Variants in SCAMP1 observed in about 807,000 individuals in gnomAD.
The protein encoded by SCAMP1 is secretory carrier membrane protein 1, also known as secretory carrier-associated membrane protein 1.
In SCAMP1, 15 loss-of-function variants were observed where a neutral mutation model predicts 41.8. The ratio of observed to expected loss-of-function variants is 0.36; its 90% CI spans 0.24 to 0.55. The LOEUF (loss-of-function observed/expected upper bound fraction) is 0.55, where lower values mean the gene tolerates loss of function less well. Ranked by LOEUF, SCAMP1 falls within the 20% of genes least tolerant of loss-of-function variation. The pLI is 0.86. For synonymous variants in SCAMP1, 135 were observed against 136.8 expected (o/e 0.99, Z 0.09); for missense variants, 341 against 412.6 (o/e 0.83, Z 1.50).
chr5:78,369,295 C>T (rs1319219745), intron 1 of SCAMP1, among the ~76,000 whole-genome samples: 4 of 152,104 alleles, frequency 2.6e-5, no homozygotes, highest in Admixed American at 6.5e-5. Flanking sequence ...TTAGTAGAGA[C>T]GGGGTTTCAC....
intron 6 of SCAMP1, among the ~76,000 whole-genome samples, chr5:78,438,367 C>G (rs1752819697): frequency 6.6e-6 from 1 of 152,164 alleles, no homozygotes; most frequent in South Asian, 2.1e-4. Flanking sequence ...ATAAATTTCC[C>G]TCTACACACT....
intron 6 of SCAMP1, among the ~76,000 whole-genome samples, chr5:78,438,437 G>GA (rs1351636570): frequency 6.6e-6 from 1 of 152,192 alleles, no homozygotes; most frequent in East Asian, 1.9e-4. Flanking sequence ...TGGTTTCAAA[G>GA]AACATTTTTA....
intron 2 of SCAMP1, among the ~76,000 whole-genome samples, chr5:78,393,473 G>A (rs1751569488): frequency 6.6e-6 from 1 of 152,152 alleles, no homozygotes; most frequent in Admixed American, 6.5e-5. Context: ...TGCTTGGCCT[G>A]CATAATTTTA....
chr5:78,385,389 A>G (rs756608761), intron 1 of SCAMP1, among the ~76,000 whole-genome samples: 5 of 151,954 alleles, frequency 3.3e-5, no homozygotes, highest in Non-Finnish European at 1.5e-5. Flanking sequence ...TTCTCATTTC[A>G]AAGAACCAGC....
At position 78,418,897 on chromosome 5, in the gene SCAMP1, T is replaced by C; in HGVS notation, c.466T>C (p.Trp156Arg). 1.9e-6 allele frequency: 3 copies of C among 1,565,580 alleles called. No individual in the cohort carries two copies. The highest frequency in any genetic ancestry group is 2.6e-6 in the Non-Finnish European group (3 of 1,157,720). The change falls in exon 5 of 9, where the codon TGG becomes CGG. Residue 156 changes from tryptophan (W) to arginine (R), a missense_variant. Transcript: ENST00000621999. ...GACAGTAAAGCTTATGTACTACTTG[T>C]GGATGTGTGAGTATACAACAATTTA... Reference protein sequence around the residue: ...QKTVKLMYYLWMFHAVTLFLN... With the variant: ...QKTVKLMYYLRMFHAVTLFLN...
chr5:78,439,721 GT>G (rs1752868387), intron 6 of SCAMP1, among the ~76,000 whole-genome samples: 1 of 152,080 alleles, frequency 6.6e-6, no homozygotes. Context: ...GGTAGTATCT[GT>G]GTGGCGTTCT....
intron 8 of SCAMP1, among the ~76,000 whole-genome samples, chr5:78,469,925 A>G (rs1753841655): frequency 4.9e-5 from 1 of 20,386 alleles, no homozygotes; most frequent in African/African-American, 2.1e-4. Context: ...AAAAAAAAAA[A>G]AAAAAAACAA....
At chr5:78,370,886 G>T (rs1233029336) in intron 1 of SCAMP1, 4 of 152,132 alleles carry the variant, frequency 2.6e-5, no homozygotes, top group Non-Finnish European at 5.9e-5. Context: ...GGGTGAAGTG[G>T]TATCTTGTGG....
intron 7 of SCAMP1, among the ~76,000 whole-genome samples, chr5:78,457,506 G>A (rs1753448007): frequency 6.6e-6 from 1 of 152,138 alleles, no homozygotes; most frequent in Admixed American, 6.5e-5. Context: ...CGGGGGTCAG[G>A]GGTCAGGGAC....
intron 8 of SCAMP1, among the ~76,000 whole-genome samples, chr5:78,464,307 C>T (rs756565325): frequency 5.3e-5 from 8 of 152,104 alleles, no homozygotes; most frequent in Non-Finnish European, 1.0e-4. Flanking sequence ...CCATGCCTGG[C>T]TAATTTTTGT....
chr5:78,393,794 A>T (rs1212735757), intron 2 of SCAMP1, among the ~76,000 whole-genome samples: 2 of 152,160 alleles, frequency 1.3e-5, no homozygotes, highest in Non-Finnish European at 2.9e-5. Flanking sequence ...ATGTATGTTT[A>T]TGGGGAATGT....
intron 1 of SCAMP1, among the ~76,000 whole-genome samples, chr5:78,374,236 GAGAAGA>G (rs1751011595): frequency 6.6e-6 from 1 of 152,096 alleles, no homozygotes; most frequent in Non-Finnish European, 1.5e-5. Context: ...AGAACTTCCT[GAGAAGA>G]TGAGGCCTGA....
At chr5:78,449,592 A>G (rs1363584731) in intron 6 of SCAMP1, among the ~76,000 whole-genome samples, 1 of 152,224 alleles carries the variant, frequency 6.6e-6, no homozygotes, top group African/African-American at 2.4e-5. Context: ...AATATTTGCA[A>G]TTCATTGTGT....
chr5:78,459,011 A>G (rs1401970356), intron 7 of SCAMP1, among the ~76,000 whole-genome samples: 5 of 152,220 alleles, frequency 3.3e-5, no homozygotes, highest in Non-Finnish European at 7.3e-5. Context: ...TATGCCATTT[A>G]TAAGCTGTGT....
chr5:78,400,952 A>G (rs1410975646), intron 2 of SCAMP1, among the ~76,000 whole-genome samples: 1 of 152,152 alleles, frequency 6.6e-6, no homozygotes, highest in Admixed American at 6.5e-5. Context: ...TTTCTCACCA[A>G]TAAGTTGATG....
intron 1 of SCAMP1, among the ~76,000 whole-genome samples, chr5:78,361,729 C>T (rs1341300389): frequency 6.6e-6 from 1 of 152,166 alleles, no homozygotes; most frequent in African/African-American, 2.4e-5. Context: ...TTTCTCAATC[C>T]CCCCGGCCAT....
At chr5:78,362,303 C>T (rs1005628325) in intron 1 of SCAMP1, among the ~76,000 whole-genome samples, 7 of 152,214 alleles carry the variant, frequency 4.6e-5, no homozygotes, top group Non-Finnish European at 8.8e-5. Context: ...CAGCATCTGA[C>T]GATTTGGCAG....
intron 8 of SCAMP1, among the ~76,000 whole-genome samples, chr5:78,468,844 A>G (rs1753804651): frequency 6.6e-6 from 1 of 152,082 alleles, no homozygotes; most frequent in Admixed American, 6.6e-5. Context: ...ATGCTTTGTG[A>G]AGATATCCTA....
intron 2 of SCAMP1, among the ~76,000 whole-genome samples, chr5:78,394,769 C>T (rs537980593): frequency 2.6e-3 from 398 of 152,228 alleles, no homozygotes; most frequent in Non-Finnish European, 4.5e-3. Flanking sequence ...CTCTTTGTTT[C>T]CAGTCTCATT....
Sources: allele counts gnomAD v4.1 joint callset (sites outside exome capture counted in the v4.1 genomes callset), GRCh38; gene constraint gnomAD v4.1.1; transcripts MANE v1.5; gene names NCBI Gene and HGNC (gene_info 2026-07-23, HGNC 2026-07-21).